Variants in CDH19 observed in about 807,000 individuals in gnomAD.
The protein encoded by CDH19 is cadherin 19, also known as cadherin-19.
A neutral mutation model predicts 64.2 loss-of-function variants in CDH19; 67 were observed. The observed-to-expected ratio is 1.04, with a 90% confidence interval of 0.86 to 1.28. CDH19 has a LOEUF of 1.28. Ranked by LOEUF, CDH19 falls within the 50% of genes most tolerant of loss-of-function variation. The pLI, the probability that CDH19 is intolerant of heterozygous loss-of-function variation, is 0.00. For synonymous variants in CDH19, 346 were observed against 319.3 expected, an observed-to-expected ratio of 1.08 and a Z score of -0.89; for missense variants, 1,030 against 929.0, an observed-to-expected ratio of 1.11 and a Z score of -1.41.
intron 10 of CDH19, among the ~76,000 whole-genome samples, chr18:66,510,241 C>T (rs1240703187): frequency 6.6e-6 from 1 of 151,606 alleles, no homozygotes; most frequent in Non-Finnish European, 1.5e-5. Context: ...CTATGAAACC[C>T]TTAAGGTCTA....
chr18:66,577,438 A>G (rs1439971661), intron 1 of CDH19, among the ~76,000 whole-genome samples: 1 of 151,976 alleles, frequency 6.6e-6, no homozygotes, highest in Non-Finnish European at 1.5e-5. Context: ...TATGTGATCA[A>G]TTGATTTTTG....
chr18:66,533,385 C>A (rs1432765631), intron 8 of CDH19, among the ~76,000 whole-genome samples: 1 of 151,724 alleles, frequency 6.6e-6, no homozygotes. Context: ...AGAAATTAAC[C>A]AGAAAATTTA....
chr18:66,552,256 CAT>C (rs1266110386), intron 4 of CDH19, among the ~76,000 whole-genome samples: 1 of 151,878 alleles, frequency 6.6e-6, no homozygotes, highest in African/African-American at 2.4e-5. Flanking sequence ...AAAAAAATGA[CAT>C]ATGAGTATAA....
chr18:66,529,144 T>C (rs1230611115), intron 9 of CDH19, among the ~76,000 whole-genome samples: 2 of 151,996 alleles, frequency 1.3e-5, no homozygotes, highest in Non-Finnish European at 1.5e-5. Flanking sequence ...GAAGTAATGA[T>C]AATGTATTTC....
chr18:66,514,286 TA>T (rs1985633734), intron 9 of CDH19, among the ~76,000 whole-genome samples: 1 of 151,386 alleles, frequency 6.6e-6, no homozygotes, highest in Non-Finnish European at 1.5e-5. Context: ...AATGATACCG[TA>T]AAAGACATGA....
At chr18:66,532,553 T>G (rs1598987266) in intron 8 of CDH19, 1 of 297,100 alleles carries the variant, frequency 3.4e-6, no homozygotes, top group East Asian at 9.3e-5. Context: ...AAAAAAAAGC[T>G]TTGTATGTAA....
At chr18:66,602,997 CATAA>C (rs1568218164) in intron 1 of CDH19, among the ~76,000 whole-genome samples, 2 of 150,994 alleles carry the variant, frequency 1.3e-5, no homozygotes, top group African/African-American at 4.8e-5. Flanking sequence ...ACATCTAAAA[CATAA>C]ATATATATTA....
chr18:66,599,055 T>C (rs1177393552), intron 1 of CDH19, among the ~76,000 whole-genome samples: 1 of 152,024 alleles, frequency 6.6e-6, no homozygotes, highest in Non-Finnish European at 1.5e-5. Context: ...ATGTAAAAAA[T>C]TGTATCACTT....
At chr18:66,589,539 G>A (rs543855682) in intron 1 of CDH19, among the ~76,000 whole-genome samples, 4 of 151,802 alleles carry the variant, frequency 2.6e-5, no homozygotes, top group African/African-American at 9.7e-5. Flanking sequence ...TCATCCAAAT[G>A]TTCCTTTCTC....
intron 2 of CDH19, 120 bp from the exon 3 acceptor site, chr18:66,568,830 A>T: frequency 5.0e-6 from 4 of 800,646 alleles, no homozygotes; most frequent in Non-Finnish European, 5.7e-6. Flanking sequence ...TATTATTTCC[A>T]CATTACATTA....
At chr18:66,563,155 A>G (rs193188547) in intron 3 of CDH19, among the ~76,000 whole-genome samples, 2 of 152,212 alleles carry the variant, frequency 1.3e-5, no homozygotes, top group East Asian at 3.9e-4. Flanking sequence ...TATGTAAGCA[A>G]TAGAGAAATT....
chr18:66,572,164 G>A lies in CDH19; in HGVS notation c.41C>T (p.Pro14Leu). 2 of 1,611,164 alleles carry A rather than the reference G, an allele frequency of 1.2e-6. No homozygotes were observed. The highest frequency in any genetic ancestry group is 1.7e-6 in the Non-Finnish European group (2 of 1,178,160). The change falls in exon 2 of 12, where the codon CCT becomes CTT. Residue 14 changes from proline to leucine, a missense_variant. Physicochemically the swap from Pro to Leu is moderately conservative, Grantham distance 98 (BLOSUM62 -3). Transcript: ENST00000262150. ...YLLLRFMLGI[P>L]LLWPCLGATE... ...TGCTCCAAGACAAGGCCATAGGAGA[G>A]GAATTCCCAACATAAAACGCAGCAG...
chr18:66,514,859 G>T (rs1985664686), intron 9 of CDH19, among the ~76,000 whole-genome samples: 1 of 151,472 alleles, frequency 6.6e-6, no homozygotes, highest in African/African-American at 2.4e-5. Context: ...TATTAAACAT[G>T]CAATTGATGG....
intron 1 of CDH19, among the ~76,000 whole-genome samples, chr18:66,598,719 A>G (rs1004958155): frequency 6.6e-6 from 1 of 152,080 alleles, no homozygotes; most frequent in Admixed American, 6.6e-5. Flanking sequence ...TCAAAAAACT[A>G]TCTGTCAGGT....
At position 66,568,490 on chromosome 18, in the gene CDH19, G is replaced by A. The variant is rs768597117; in HGVS notation, c.416C>T (p.Ser139Leu). 7 of 1,612,058 alleles carry A rather than the reference G, an allele frequency of 4.3e-6. No individual in the cohort carries two copies. Among genetic ancestry groups the A allele is most frequent in the Non-Finnish European group, 5.9e-6 (7 of 1,178,814 alleles). ...EPESEFVIKV[S>L]DINDNEPKFL... ...TTTTGGTTCATTGTCATTGATATCC[G>A]AAACTTTGATGACAAACTCAGACTC... The change falls in exon 3 of 12, where the codon TCG becomes TTG. Residue 139 changes from serine to leucine, a missense_variant. Transcript: ENST00000262150.
intron 1 of CDH19, among the ~76,000 whole-genome samples, chr18:66,587,821 T>C (rs1042189918): frequency 4.6e-5 from 7 of 152,080 alleles, no homozygotes; most frequent in African/African-American, 1.7e-4. Context: ...GAAGGTTAAT[T>C]GGTTACTGTA....
rs1382423542 is a variant in CDH19 at position 66,509,063 on chromosome 18, A to G, written c.1760T>C (p.Leu587Pro). 1.9e-6 allele frequency: 3 copies of G among 1,612,852 alleles called. No homozygotes were observed. Among genetic ancestry groups the G allele is most frequent in the Middle Eastern group, 1.7e-4 (1 of 6,052 alleles). The change falls in exon 11 of 12, where the codon CTT becomes CCT. Residue 587 changes from leucine (L) to proline (P), a missense_variant. Leu to Pro is a moderately conservative substitution (Grantham distance 98). Coordinates refer to ENST00000262150, the MANE Select transcript of CDH19 (RefSeq NM_021153.4). The stretch of plus-strand genomic sequence containing the variant: ...TGTCTTGAATCCCATGGAAAGCACA[A>G]GCTCCTGGTACTGGCAGGTCTGTGT... ...GSTQTCQYQE[L>P]VLSMGFKTEV...
intron 1 of CDH19, among the ~76,000 whole-genome samples, chr18:66,577,457 CA>C (rs1433005045): frequency 6.6e-6 from 1 of 151,818 alleles, no homozygotes; most frequent in Admixed American, 6.6e-5. Context: ...TGAAAAAGTT[CA>C]AAAGGTGAAT....
intron 9 of CDH19, among the ~76,000 whole-genome samples, chr18:66,524,208 C>CGT (rs373784138): frequency 6.6e-6 from 1 of 151,524 alleles, no homozygotes; most frequent in African/African-American, 2.4e-5. Flanking sequence ...CTAACTTGTG[C>CGT]GTGTGTGTGT....
Sources: allele counts gnomAD v4.1 joint callset (sites outside exome capture counted in the v4.1 genomes callset), GRCh38; gene constraint gnomAD v4.1.1; transcripts MANE v1.5; gene names NCBI Gene and HGNC (gene_info 2026-07-23, HGNC 2026-07-21).